Variants in ABHD2 observed in about 807,000 individuals in gnomAD.
ABHD2 encodes the protein monoacylglycerol lipase ABHD2.
In ABHD2, 20 loss-of-function variants were observed where a neutral mutation model predicts 48.1. The observed-to-expected ratio is 0.42, with a 90% CI of 0.29 to 0.60. The LOEUF (loss-of-function observed/expected upper bound fraction) is 0.60, where lower values mean the gene tolerates loss of function less well. ABHD2 is among the 20% of genes least tolerant of loss of function. The pLI is 0.24. For synonymous variants in ABHD2, 209 were observed against 214.2 expected, an observed-to-expected ratio of 0.98 and a Z score of 0.21; for missense variants, 405 against 550.9, an observed-to-expected ratio of 0.74 and a Z score of 2.65.
At chr15:89,121,732 G>A (rs569502822) in intron 3 of ABHD2, among the ~76,000 whole-genome samples, 1 of 152,146 alleles carries the variant, frequency 6.6e-6, no homozygotes, top group Non-Finnish European at 1.5e-5. Flanking sequence ...TGCCTGTGAA[G>A]TACCTGACCT....
chr15:89,061,186 G>A, the ABHD2 span, among the ~76,000 whole-genome samples: 1 of 152,138 alleles, frequency 6.6e-6, no homozygotes, highest in African/African-American at 2.4e-5. Flanking sequence ...GGGAGGCCAA[G>A]GCAGGTGGAT....
In ABHD2 at chr15:89,100,373, T is replaced by C. The variant is rs1362714254; in HGVS notation, c.-107+11810T>C. Among the ~76,000 whole-genome samples the C allele has an allele frequency of 6.6e-6, 1 of 151,634 alleles. No homozygotes were observed. Among genetic ancestry groups the C allele is most frequent in the Admixed American group, 6.6e-5 (1 of 15,212 alleles). On this transcript the variant is annotated intron_variant, in intron 1 of 10. Coordinates refer to ENST00000352732, the MANE Select transcript of ABHD2 (RefSeq NM_152924.5). The surrounding 1 kb of genome is among the most constrained non-coding windows in gnomAD (Gnocchi z 4.4). The stretch of plus-strand genomic sequence containing the variant: ...CGATCATAGCTCACTGTAGCCTCAA[T>C]CTTCTGTGCTCAAGTGATCCTCCCA...
At chr15:89,059,484 C>T in the ABHD2 span, among the ~76,000 whole-genome samples, 1,981 of 152,250 alleles carry the variant, frequency 0.013, 48 homozygotes, top group African/African-American at 0.046. Flanking sequence ...CAACTCATAA[C>T]TTGGGAAGGC....
At chr15:89,143,126 C>T (rs2050431928) in intron 3 of ABHD2, among the ~76,000 whole-genome samples, 1 of 152,134 alleles carries the variant, frequency 6.6e-6, no homozygotes, top group Admixed American at 6.5e-5. Context: ...ATGACCATAG[C>T]TTCTGCTATA....
chr15:89,090,297 CTTATG>C (rs1474586312), intron 1 of ABHD2: 2 of 152,172 alleles, frequency 1.3e-5, no homozygotes, highest in African/African-American at 4.8e-5. Context: ...AATAATGATA[CTTATG>C]TTAGAAGATT....
intron 6 of ABHD2, chr15:89,183,382 A>ATATAGATATATAT (rs57264552): frequency 3.6e-5 from 2 of 55,568 alleles, no homozygotes; most frequent in African/African-American, 2.1e-4. Context: ...AAAAAAAAAA[A>ATATAGATATATAT]AAATATATAT....
At chr15:89,060,183 T>C in the ABHD2 span, among the ~76,000 whole-genome samples, 1 of 144,154 alleles carries the variant, frequency 6.9e-6, no homozygotes, top group African/African-American at 2.6e-5. Context: ...GTCCATCTCC[T>C]AGGTACAAGC....
Position 89,155,878 on chromosome 15 carries a change from G to A in ABHD2, c.538+344G>A, listed in dbSNP as rs111347333. The stretch of plus-strand genomic sequence containing the variant: ...ACCTTCAGGACTGTGCTGTTCTGAT[G>A]CTCGTTCCTCAGGACTCTTGTGACT... On this transcript the variant is annotated intron_variant, in intron 5 of 10. Transcript: ENST00000352732. This position sits in a 1 kb window ranked among gnomAD's most constrained non-coding sequence, Gnocchi z 4.9. Among the ~76,000 whole-genome samples the A allele has an allele frequency of 5.0e-3, 754 of 152,216 alleles. 7 individuals are homozygous for A. The highest frequency in any genetic ancestry group is 0.017 in the African/African-American group (712 of 41,520).
At chr15:89,150,030 A>G (rs924888884) in intron 3 of ABHD2, among the ~76,000 whole-genome samples, 2 of 152,244 alleles carry the variant, frequency 1.3e-5, no homozygotes, top group African/African-American at 4.8e-5. Context: ...GGACAGTCAC[A>G]TGTGTCATCA....
At position 89,185,350 on chromosome 15, in the gene ABHD2, G is replaced by C. The variant is rs1368506014; in HGVS notation, c.723-74G>C. ...TCTCCACACAAGCACCTCACCCCAT[G>C]GCTAGAGCCCCCTCCTGGCTGCCCG... On this transcript the variant is annotated intron_variant, in intron 6 of 10. Coordinates refer to ENST00000352732, the MANE Select transcript of ABHD2 (RefSeq NM_152924.5). The surrounding 1 kb of genome is among the most constrained non-coding windows in gnomAD (Gnocchi z 5.9). 13 of 1,214,392 alleles carry C rather than the reference G, an allele frequency of 1.1e-5. No individual in the cohort carries two copies. In the South Asian group the frequency reaches 1.6e-4, roughly 15 times the overall value. 75.2% of individuals were successfully genotyped at this position (1,214,392 alleles called of 1,614,324 possible).
chr15:89,161,592 G>C (rs918877894), intron 5 of ABHD2, among the ~76,000 whole-genome samples: 4 of 152,002 alleles, frequency 2.6e-5, no homozygotes, highest in African/African-American at 9.7e-5. Context: ...GTAGAGACAG[G>C]GTTTCACCAT....
chr15:89,043,652 G>A, the ABHD2 span, among the ~76,000 whole-genome samples: 4 of 133,562 alleles, frequency 3.0e-5, no homozygotes, highest in African/African-American at 1.1e-4. Context: ...GGAAGGAGAA[G>A]GAGGAGGAGG....
Position 89,091,968 on chromosome 15 carries a change from T to C in ABHD2, c.-107+3405T>C, listed in dbSNP as rs974087942. 2.0e-5 allele frequency among the ~76,000 whole-genome samples: 3 copies of C among 152,202 alleles called. No individual in the cohort carries two copies. Among genetic ancestry groups the C allele is most frequent in the African/African-American group, 7.2e-5 (3 of 41,452 alleles). On this transcript the variant is annotated intron_variant, in intron 1 of 10. Transcript: ENST00000352732. This position sits in a 1 kb window ranked among gnomAD's most constrained non-coding sequence, Gnocchi z 5.5. ...TATAGCAGCTTTTCATGGTTCAGCC[T>C]TTTTGGCCAGTGCATGAGTAGGACA...
rs1214503460 is a variant in ABHD2 at position 89,198,791 on chromosome 15, A to T, written c.*3368A>T. The T allele has an allele frequency of 6.6e-6, 1 of 152,220 alleles. No individual in the cohort carries two copies. Among genetic ancestry groups the T allele is most frequent in the Non-Finnish European group, 1.5e-5 (1 of 68,054 alleles). The allele number at this position is 152,220 out of a possible 1,614,324, so 9.4% of individuals were successfully genotyped here. On this transcript the variant is annotated 3_prime_UTR_variant, in exon 11 of 11. Coordinates refer to ENST00000352732, the MANE Select transcript of ABHD2 (RefSeq NM_152924.5). The surrounding 1 kb of genome is among the most constrained non-coding windows in gnomAD (Gnocchi z 5.1). Reference sequence around the variant, plus strand: ...CCTTGCAGGTGGAAACAGCTGTGTCAAGGCTCAAGGCTCACGCTGAGGGGA... The same window carrying T: ...CCTTGCAGGTGGAAACAGCTGTGTCTAGGCTCAAGGCTCACGCTGAGGGGA...
chr15:89,156,039 T>A (rs2050667611), intron 5 of ABHD2, among the ~76,000 whole-genome samples: 2 of 152,176 alleles, frequency 1.3e-5, no homozygotes, highest in African/African-American at 4.8e-5. Flanking sequence ...TGATTTGAAT[T>A]AAAATTTTGT....
intron 5 of ABHD2, among the ~76,000 whole-genome samples, chr15:89,169,675 C>A (rs1313452946): frequency 2.0e-5 from 3 of 152,206 alleles, no homozygotes; most frequent in African/African-American, 7.2e-5. Context: ...GTCCCCAGCA[C>A]AAACCATTGC....
the ABHD2 span, among the ~76,000 whole-genome samples, chr15:89,061,405 C>T: frequency 6.6e-6 from 1 of 151,308 alleles, no homozygotes; most frequent in African/African-American, 2.4e-5. Flanking sequence ...GCAACAAGAG[C>T]AAAATTCCAT....
the ABHD2 span, among the ~76,000 whole-genome samples, chr15:89,057,792 C>G: frequency 0.02 from 3,007 of 151,752 alleles, 101 homozygotes; most frequent in African/African-American, 0.068. Context: ...AAGAAAGAAA[C>G]AAACCTGCCA....
At chr15:89,071,956 C>T in the ABHD2 span, among the ~76,000 whole-genome samples, 1 of 152,174 alleles carries the variant, frequency 6.6e-6, no homozygotes, top group Non-Finnish European at 1.5e-5. Flanking sequence ...TACCTGAAGA[C>T]GAAGACTATT....
Sources: gnomAD v4.1 joint callset for allele counts (sites outside exome capture counted in the v4.1 genomes callset) on GRCh38, gnomAD v4.1.1 for gene constraint, Gnocchi (gnomAD v3.1) non-coding constraint, MANE v1.5 for transcripts, NCBI Gene and HGNC (gene_info 2026-07-23, HGNC 2026-07-21) for gene names.